NEDD9: variants seen among roughly 807,000 people sequenced by gnomAD.
NEDD9 encodes neural precursor cell expressed, developmentally down-regulated 9.
Under a neutral mutation model 76.6 loss-of-function variants are expected in NEDD9, and 26 were observed. The ratio of observed to expected loss-of-function variants is 0.34; its 90% CI spans 0.25 to 0.47. The LOEUF (loss-of-function observed/expected upper bound fraction) is 0.47. NEDD9 is among the 20% of genes least tolerant of loss of function. The probability of loss-of-function intolerance (pLI) is 1.00; values close to 1 mark genes in which losing one functional copy is unlikely to be tolerated. For missense variants in NEDD9, 937 were observed against 1,058.5 expected, an observed-to-expected ratio of 0.89 and a Z score of 1.59; for synonymous variants, 392 against 414.2, an observed-to-expected ratio of 0.95 and a Z score of 0.65.
At chr6:11,256,594 G>A (rs1160949868) in intron 3 of NEDD9, among the ~76,000 whole-genome samples, 1 of 152,100 alleles carries the variant, frequency 6.6e-6, no homozygotes, top group Non-Finnish European at 1.5e-5. Flanking sequence ...CTGAGTAGCT[G>A]GGACTACAGG....
intron 3 of NEDD9, among the ~76,000 whole-genome samples, chr6:11,288,693 C>T (rs1760700638): frequency 6.6e-6 from 1 of 152,200 alleles, no homozygotes; most frequent in South Asian, 2.1e-4. Flanking sequence ...CTGACCAGCC[C>T]CTTCTGTTCA....
chr6:11,270,747 C>A (rs1346335624), intron 3 of NEDD9, among the ~76,000 whole-genome samples: 1 of 152,160 alleles, frequency 6.6e-6, no homozygotes, highest in Non-Finnish European at 1.5e-5. Flanking sequence ...ATGCAGATAC[C>A]CTCATTAGTT....
At chr6:11,379,032 T>C (rs1055839614) in intron 1 of NEDD9, among the ~76,000 whole-genome samples, 1 of 152,208 alleles carries the variant, frequency 6.6e-6, no homozygotes, top group Admixed American at 6.5e-5. Context: ...GTTGTATATT[T>C]TGAAGACCAA....
At chr6:11,250,356 C>T (rs1159742471) in intron 3 of NEDD9, among the ~76,000 whole-genome samples, 1 of 152,180 alleles carries the variant, frequency 6.6e-6, no homozygotes, top group East Asian at 1.9e-4. Flanking sequence ...GTTGGCCTTG[C>T]TGGAATCCCC....
At chr6:11,333,495 C>T (rs556890902) in intron 2 of NEDD9, among the ~76,000 whole-genome samples, 8 of 152,358 alleles carry the variant, frequency 5.3e-5, no homozygotes, top group African/African-American at 1.7e-4. Flanking sequence ...CTTGCTCTTC[C>T]TCCTCTCGCT....
At chr6:11,285,904 A>C (rs933937255) in intron 3 of NEDD9, among the ~76,000 whole-genome samples, 1 of 152,188 alleles carries the variant, frequency 6.6e-6, no homozygotes, top group Non-Finnish European at 1.5e-5. Flanking sequence ...ATAAAAATAT[A>C]AGAGAAAATG....
rs372786569 is a variant in NEDD9, at chr6:11,186,626, C to CT, written c.1996-956dup. Among the ~76,000 whole-genome samples the CT allele has an allele frequency of 6.0e-4, 91 of 151,518 alleles. 1 individual carries two copies. Among genetic ancestry groups the CT allele is most frequent in the African/African-American group, 1.7e-3 (71 of 41,322 alleles). ...GCACAGCCAGCTTTACTTTACTTTT[C>CT]TTTTTTTTTGAGACAGAGTCTTGCT... On this transcript the variant is annotated intron_variant, in intron 6 of 6. Coordinates refer to ENST00000379446, the MANE Select transcript of NEDD9 (RefSeq NM_006403.4).
chr6:11,373,721 G>A (rs2113573218), intron 1 of NEDD9, among the ~76,000 whole-genome samples: 1 of 152,272 alleles, frequency 6.6e-6, no homozygotes, highest in East Asian at 1.9e-4. Flanking sequence ...TGTTAACTTG[G>A]CTAAGCCAAG....
chr6:11,189,692 T>C (rs1361198481), intron 5 of NEDD9, among the ~76,000 whole-genome samples: 2 of 152,128 alleles, frequency 1.3e-5, no homozygotes, highest in African/African-American at 4.8e-5. Flanking sequence ...ACCCCATTCA[T>C]TTTGCAAATG....
intron 5 of NEDD9, among the ~76,000 whole-genome samples, chr6:11,189,516 CT>C (rs1273166473): frequency 6.6e-6 from 1 of 152,142 alleles, no homozygotes; most frequent in East Asian, 1.9e-4. Context: ...GTCTTCTATT[CT>C]TTTTCTTAAT....
chr6:11,194,641 TG>T (rs1428072804), intron 2 of NEDD9, among the ~76,000 whole-genome samples: 1 of 152,230 alleles, frequency 6.6e-6, no homozygotes, highest in African/African-American at 2.4e-5. Flanking sequence ...TCAGGTCTCC[TG>T]ACCTCTGGTC....
intron 1 of NEDD9, among the ~76,000 whole-genome samples, chr6:11,359,772 C>T (rs536297182): frequency 3.9e-5 from 6 of 152,326 alleles, no homozygotes; most frequent in South Asian, 2.1e-4. Flanking sequence ...GTCCAACCTG[C>T]GAACCACTGT....
intron 3 of NEDD9, among the ~76,000 whole-genome samples, chr6:11,245,596 T>G (rs1219958535): frequency 6.6e-6 from 1 of 151,876 alleles, no homozygotes; most frequent in Non-Finnish European, 1.5e-5. Context: ...CCTATTACAG[T>G]AGCAGCCAAC....
At chr6:11,327,082 G>A (rs1761944483) in intron 2 of NEDD9, among the ~76,000 whole-genome samples, 1 of 152,204 alleles carries the variant, frequency 6.6e-6, no homozygotes, top group Admixed American at 6.5e-5. Flanking sequence ...TGATGATGCT[G>A]GGACAACAGG....
At chr6:11,325,687 A>G (rs1445772467) in intron 2 of NEDD9, among the ~76,000 whole-genome samples, 1 of 152,172 alleles carries the variant, frequency 6.6e-6, no homozygotes, top group African/African-American at 2.4e-5. Context: ...TTATTTTAGT[A>G]CCTTTCACAG....
chr6:11,272,668 C>A (rs890602416), intron 3 of NEDD9, among the ~76,000 whole-genome samples: 1 of 152,186 alleles, frequency 6.6e-6, no homozygotes, highest in African/African-American at 2.4e-5. Flanking sequence ...CCTTGCCTCC[C>A]CTTCCACCTG....
intron 3 of NEDD9, among the ~76,000 whole-genome samples, chr6:11,305,595 G>A (rs1375237505): frequency 6.6e-6 from 1 of 152,220 alleles, no homozygotes; most frequent in Admixed American, 6.5e-5. Flanking sequence ...TTGAATGGTT[G>A]AAGGTGACTG....
At chr6:11,232,311 C>T (rs982577887) in intron 1 of NEDD9, among the ~76,000 whole-genome samples, 193 bp downstream of exon 1, 1 of 152,124 alleles carries the variant, frequency 6.6e-6, no homozygotes, top group Non-Finnish European at 1.5e-5. Context: ...GTACTGTGAA[C>T]CCCTGGAGTG....
intron 2 of NEDD9, among the ~76,000 whole-genome samples, chr6:11,324,845 C>G (rs6910667): frequency 0.035 from 5,395 of 152,280 alleles, 323 homozygotes; most frequent in African/African-American, 0.12. Context: ...CCAAAACTTG[C>G]TTCAAACACA....
Sources: gnomAD v4.1 joint callset for allele counts (sites outside exome capture counted in the v4.1 genomes callset) on GRCh38, gnomAD v4.1.1 for gene constraint, MANE v1.5 for transcripts, NCBI Gene and HGNC (gene_info 2026-07-23, HGNC 2026-07-21) for gene names.